Variants in CFAP20DC observed in about 807,000 individuals in gnomAD.
CFAP20DC encodes protein CFAP20DC.
A neutral mutation model predicts 101.7 loss-of-function variants in CFAP20DC; 84 were observed. The ratio of observed to expected loss-of-function variants is 0.83; its 90% CI spans 0.69 to 0.99. The LOEUF (loss-of-function observed/expected upper bound fraction) is 0.99, where lower values mean the gene tolerates loss of function less well. CFAP20DC is among the 50% of genes least tolerant of loss of function. CFAP20DC has a pLI of 0.00. For missense variants in CFAP20DC, 1,007 were observed against 970.3 expected (o/e 1.04, Z -0.50); for synonymous variants, 359 against 351.2 (o/e 1.02, Z -0.25).
chr3:58,888,496 C>G (rs1265326023), intron 6 of CFAP20DC, among the ~76,000 whole-genome samples: 1 of 152,130 alleles, frequency 6.6e-6, no homozygotes, highest in Non-Finnish European at 1.5e-5. Context: ...GCTCGCTGCA[C>G]AGACCATCCC....
At chr3:58,908,169 T>G (rs1226405236) in intron 6 of CFAP20DC, among the ~76,000 whole-genome samples, 1 of 152,216 alleles carries the variant, frequency 6.6e-6, no homozygotes, top group Non-Finnish European at 1.5e-5. Flanking sequence ...CCCAAAGTCT[T>G]GCAATGCAGA....
At chr3:58,850,376 C>T (rs900603416) in intron 12 of CFAP20DC, among the ~76,000 whole-genome samples, 1 of 151,940 alleles carries the variant, frequency 6.6e-6, no homozygotes. Flanking sequence ...CACCTGAGGT[C>T]GGGAGTTCGA....
At chr3:58,744,838 A>T (rs1366015344) in intron 16 of CFAP20DC, among the ~76,000 whole-genome samples, 3 of 152,140 alleles carry the variant, frequency 2.0e-5, no homozygotes, top group African/African-American at 7.2e-5. Flanking sequence ...TGTACTCTGG[A>T]AAGGGTGAAG....
At chr3:58,879,043 A>C (rs2081018516) in intron 7 of CFAP20DC, among the ~76,000 whole-genome samples, 2 of 152,088 alleles carry the variant, frequency 1.3e-5, no homozygotes, top group Non-Finnish European at 2.9e-5. Flanking sequence ...GCACCTCTGA[A>C]ACCAGCCTGC....
downstream of CFAP20DC, among the ~76,000 whole-genome samples, chr3:58,740,459 T>G (rs994951909): frequency 6.6e-6 from 1 of 152,130 alleles, no homozygotes; most frequent in Admixed American, 6.5e-5. The surrounding 1 kb of genome is among the most constrained non-coding windows in gnomAD (Gnocchi z 4.6). Flanking sequence ...AAACTGTTGG[T>G]TGCTGCTATA....
intron 15 of CFAP20DC, among the ~76,000 whole-genome samples, chr3:58,780,081 A>C (rs1389935552): frequency 6.6e-6 from 1 of 152,166 alleles, no homozygotes; most frequent in Non-Finnish European, 1.5e-5. Flanking sequence ...AAGATTTAAA[A>C]AAACTGTCAG....
intron 4 of CFAP20DC, among the ~76,000 whole-genome samples, chr3:58,966,824 T>C (rs974423466): frequency 8.5e-5 from 13 of 152,068 alleles, no homozygotes; most frequent in African/African-American, 2.9e-4. Flanking sequence ...CGCAACTGGC[T>C]GAAAAATATA....
At chr3:58,918,752 A>C (rs72881685) in intron 5 of CFAP20DC, among the ~76,000 whole-genome samples, 25,780 of 151,986 alleles carry the variant, frequency 0.17, 4,467 homozygotes, top group African/African-American at 0.43. Context: ...GTCTGGATTT[A>C]GGTACTAGCC....
chr3:59,047,789 A>C (rs1386375043), intron 1 of CFAP20DC, among the ~76,000 whole-genome samples: 1 of 152,178 alleles, frequency 6.6e-6, no homozygotes, highest in Non-Finnish European at 1.5e-5. Flanking sequence ...ATAAGATACT[A>C]AACATTAAAC....
Position 58,806,573 on chromosome 3 carries a change from T to C in CFAP20DC, c.2176-117A>G, listed in dbSNP as rs898271767. 1.5e-5 allele frequency: 11 copies of C among 736,112 alleles called. 1 individual carries two copies. The highest frequency in any genetic ancestry group is 1.5e-4 in the South Asian group (10 of 68,788). 45.6% of individuals were successfully genotyped at this position (736,112 alleles called of 1,614,324 possible). A position where few individuals can be genotyped will look rare whatever the true frequency, so the allele number is the denominator to read the frequency against. Reference sequence around the variant, plus strand: ...TCAGACACAACCCACAAGAAGGGTATGGGTGGGAGGGCAGCCAAGACGGCC... The same window carrying C: ...TCAGACACAACCCACAAGAAGGGTACGGGTGGGAGGGCAGCCAAGACGGCC... On this transcript the variant is annotated intron_variant, in intron 14 of 16. Transcript: ENST00000482387.
intron 4 of CFAP20DC, among the ~76,000 whole-genome samples, chr3:58,949,671 T>G (rs1298171184): frequency 6.6e-6 from 1 of 152,174 alleles, no homozygotes; most frequent in African/African-American, 2.4e-5. Flanking sequence ...AAAAACCATA[T>G]GATTATCTCA....
intron 5 of CFAP20DC, among the ~76,000 whole-genome samples, chr3:58,932,996 G>A (rs1055773090): frequency 7.9e-5 from 12 of 152,118 alleles, no homozygotes; most frequent in African/African-American, 2.9e-4. Flanking sequence ...ATAGAGACAA[G>A]ACCCATCAGT....
intron 5 of CFAP20DC, among the ~76,000 whole-genome samples, chr3:58,936,845 G>T (rs1042696034): frequency 1.3e-5 from 2 of 151,650 alleles, no homozygotes; most frequent in Non-Finnish European, 2.9e-5. Flanking sequence ...ACTGGGTGCA[G>T]CACACCAGCA....
chr3:58,891,976 T>G (rs2082294714), intron 6 of CFAP20DC, among the ~76,000 whole-genome samples: 1 of 152,258 alleles, frequency 6.6e-6, no homozygotes, highest in South Asian at 2.1e-4. Context: ...GTTTTACATT[T>G]AAGTCTTTAA....
Position 58,861,588 on chromosome 3 carries a change from C to A in CFAP20DC, c.1593+1970G>T. 2 of 985,212 alleles carry A rather than the reference C, an allele frequency of 2.0e-6. No homozygotes were observed. The highest frequency in any genetic ancestry group is 2.4e-6 in the Non-Finnish European group (2 of 829,754). 61.0% of individuals were successfully genotyped at this position (985,212 alleles called of 1,614,324 possible). A position where few individuals can be genotyped will look rare whatever the true frequency, so the allele number is the denominator to read the frequency against. On this transcript the variant is annotated intron_variant, in intron 12 of 16. Coordinates refer to ENST00000482387, the MANE Select transcript of CFAP20DC (RefSeq NM_001394063.1). The surrounding 1 kb of genome is among the most constrained non-coding windows in gnomAD (Gnocchi z 4.0). ...GAAGGTATCATTACACATGCTAAAA[C>A]TTGTTTAAATATAGCCTAGCATTTT...
At chr3:58,853,736 C>T (rs902856098) in intron 12 of CFAP20DC, among the ~76,000 whole-genome samples, 1 of 152,156 alleles carries the variant, frequency 6.6e-6, no homozygotes, top group Non-Finnish European at 1.5e-5. Flanking sequence ...ACAAAAACCA[C>T]ATGATTATCT....
At chr3:58,805,470 T>C (rs1289722406) in intron 15 of CFAP20DC, among the ~76,000 whole-genome samples, 1 of 152,210 alleles carries the variant, frequency 6.6e-6, no homozygotes, top group Admixed American at 6.5e-5. Flanking sequence ...TCCCTATCTC[T>C]TTCTGTCTTT....
At position 58,863,498 on chromosome 3, in the gene CFAP20DC, C is replaced by T; in HGVS notation, c.1593+60G>A. 3 of 1,588,952 alleles carry T rather than the reference C, an allele frequency of 1.9e-6. No individual in the cohort carries two copies. The highest frequency in any genetic ancestry group is 2.6e-6 in the Non-Finnish European group (3 of 1,168,768). On this transcript the variant is annotated intron_variant, in intron 12 of 16. Coordinates refer to ENST00000482387, the MANE Select transcript of CFAP20DC (RefSeq NM_001394063.1). This position sits in a 1 kb window ranked among gnomAD's most constrained non-coding sequence, Gnocchi z 5.9. Reference sequence around the variant, plus strand: ...TCTTTCATTTCAACTTGTTTTAGTGCTTATTGGAGCTAAGGAAACAACTGT... The same window carrying T: ...TCTTTCATTTCAACTTGTTTTAGTGTTTATTGGAGCTAAGGAAACAACTGT...
chr3:58,934,588 T>TG (rs1252655061), intron 5 of CFAP20DC, among the ~76,000 whole-genome samples: 2 of 152,232 alleles, frequency 1.3e-5, no homozygotes, highest in African/African-American at 4.8e-5. Flanking sequence ...TCAAGTGGGC[T>TG]TCTTCCCTGG....
Sources: allele counts gnomAD v4.1 joint callset (sites outside exome capture counted in the v4.1 genomes callset), GRCh38; gene constraint gnomAD v4.1.1; non-coding constraint Gnocchi (gnomAD v3.1); transcripts MANE v1.5; gene names NCBI Gene and HGNC (gene_info 2026-07-23, HGNC 2026-07-21).